The following AMZ1 variants were observed in gnomAD, a reference collection of about 807,000 sequenced individuals.
The protein encoded by AMZ1 is archaelysin family metallopeptidase 1.
Under a neutral mutation model 29.9 loss-of-function variants are expected in AMZ1, and 39 were observed. The ratio of observed to expected loss-of-function variants is 1.30; its 90% confidence interval spans 1.01 to 1.70. AMZ1 has a LOEUF of 1.70. AMZ1 is among the 40% of genes most tolerant of loss of function. The pLI, the probability that AMZ1 is intolerant of heterozygous loss-of-function variation, is 0.00. For missense variants in AMZ1, 1,041 were observed against 680.6 expected, an observed-to-expected ratio of 1.53 and a Z score of -5.89; for synonymous variants, 458 against 304.0, an observed-to-expected ratio of 1.51 and a Z score of -5.27.
In AMZ1 at chr7:2,719,032, A is replaced by T. The variant is rs1410357453; in HGVS notation, c.*6154A>T. On this transcript the variant is annotated 3_prime_UTR_variant, in exon 7 of 7. Transcript: ENST00000683327. ...ACTTTTTTTTTTTTTTTTCCCCCCCATCTGAAGTGAGATCAAACTTCTACC... is the reference window on the plus strand; with the variant it reads ...ACTTTTTTTTTTTTTTTTCCCCCCCTTCTGAAGTGAGATCAAACTTCTACC... Among the ~76,000 whole-genome samples the T allele has an allele frequency of 8.5e-6, 1 of 117,744 alleles. No homozygotes were observed. 77.2% of individuals were successfully genotyped at this position (117,744 alleles called of 152,430 possible).
At chr7:2,701,769 C>T (rs554954492) in intron 2 of AMZ1, among the ~76,000 whole-genome samples, 5 of 152,340 alleles carry the variant, frequency 3.3e-5, no homozygotes, top group South Asian at 2.1e-4. Flanking sequence ...CCTTGCCCCA[C>T]GCAGGCTTGT....
At chr7:2,737,227 T>A (rs1181717329) in intron 4 of AMZ1, among the ~76,000 whole-genome samples, 1 of 149,162 alleles carries the variant, frequency 6.7e-6, no homozygotes, top group Non-Finnish European at 1.5e-5. Flanking sequence ...GCCTTTTAAT[T>A]TTAAACCCTA....
Position 2,691,751 on chromosome 7 carries a change from A to G in AMZ1, c.-219+3455A>G, listed in dbSNP as rs567944615. Among the ~76,000 whole-genome samples the G allele has an allele frequency of 1.7e-3, 258 of 150,704 alleles. 3 individuals are homozygous for G. The highest frequency in any genetic ancestry group is 0.017 in the South Asian group (81 of 4,756). On this transcript the variant is annotated intron_variant, in intron 1 of 6. Coordinates refer to ENST00000683327, the MANE Select transcript of AMZ1 (RefSeq NM_001384743.1). ...GTCTCAAAAAAAAAAAAAAAAAATA[A>G]GTGATTTTGGGGCTTTGCAGGGTGG... is the stretch of plus-strand genomic sequence containing the variant.
chr7:2,707,523 C>T (rs913169329), intron 3 of AMZ1, among the ~76,000 whole-genome samples: 28 of 151,936 alleles, frequency 1.8e-4, no homozygotes, highest in Non-Finnish European at 1.0e-4. Flanking sequence ...AGCCCCTGGG[C>T]CTCTCCTGTA....
At chr7:2,683,912 TC>T (rs1786977627), upstream of AMZ1, among the ~76,000 whole-genome samples, 2 of 151,448 alleles carry the variant, frequency 1.3e-5, no homozygotes, top group South Asian at 4.3e-4. Context: ...GTGTAGTGGC[TC>T]ATGCCTATAA....
chr7:2,702,498 C>G, intron 2 of AMZ1: 1 of 567,898 alleles, frequency 1.8e-6, no homozygotes, highest in Non-Finnish European at 3.1e-6. Flanking sequence ...CACTGCTGTC[C>G]TTTCATCTGT....
At chr7:2,736,769 G>A (rs964001335) in intron 4 of AMZ1, among the ~76,000 whole-genome samples, 2 of 152,198 alleles carry the variant, frequency 1.3e-5, no homozygotes, top group Non-Finnish European at 2.9e-5. Flanking sequence ...TCAGAACTCC[G>A]TCAGCACCGT....
At position 2,719,458 on chromosome 7, in the gene AMZ1, C is replaced by T. The variant is rs1294162248; in HGVS notation, c.*6580C>T. On this transcript the variant is annotated 3_prime_UTR_variant, in exon 7 of 7. Coordinates refer to ENST00000683327, the MANE Select transcript of AMZ1 (RefSeq NM_001384743.1). ...GCACAAGTCCCACAATAGCCTCTCC[C>T]AACGGGAACGACTTAGCCCTAATTA... Among the ~76,000 whole-genome samples the T allele has an allele frequency of 1.3e-5, 2 of 152,232 alleles. No homozygotes were observed. Among genetic ancestry groups the T allele is most frequent in the South Asian group, 2.1e-4 (1 of 4,834 alleles).
intron 3 of AMZ1, among the ~76,000 whole-genome samples, chr7:2,706,984 C>A (rs1408718863): frequency 6.6e-6 from 1 of 152,174 alleles, no homozygotes; most frequent in East Asian, 1.9e-4. Context: ...ATCTCAAAAA[C>A]AAACACAGGG....
rs199864719 is a variant in AMZ1 at position 2,733,534 on chromosome 7, C to G, written n.550+23718C>G. 4 of 1,571,276 alleles carry G rather than the reference C, an allele frequency of 2.5e-6. No individual in the cohort carries two copies. In the East Asian group the frequency reaches 9.0e-5, roughly 35 times the overall value. On this transcript the variant is annotated intron_variant and non_coding_transcript_variant, in intron 4 of 4. Coordinates refer to the AMZ1 transcript ENST00000489665. ...GAAGGAAGAATATTCACAGCTCAGT[C>G]TGGACTGAGGAATCCTGATGTGGCA...
In AMZ1 at chr7:2,714,605, G is replaced by GCAAA. The variant is rs1789010824; in HGVS notation, c.*1731_*1734dup. 6.6e-6 allele frequency: 1 copy of GCAAA among 152,256 alleles called. No individual in the cohort carries two copies. Among genetic ancestry groups the GCAAA allele is most frequent in the Non-Finnish European group, 1.5e-5 (1 of 68,056 alleles). The allele number at this position is 152,256 out of a possible 1,614,324, so 9.4% of individuals were successfully genotyped here. On this transcript the variant is annotated 3_prime_UTR_variant, in exon 7 of 7. Coordinates refer to ENST00000683327, the MANE Select transcript of AMZ1 (RefSeq NM_001384743.1). ...AAGCCGGAGCCTGGTGGCTGTTGCT[G>GCAAA]CAAACAACCACCCAAAACTTAGTGG...
chr7:2,708,789 C>T (rs1046595259), intron 4 of AMZ1, 73 bp downstream of exon 4: 4 of 1,601,278 alleles, frequency 2.5e-6, no homozygotes, highest in Middle Eastern at 2.1e-4. Flanking sequence ...GGCTGCAGGG[C>T]ACCCTCTTTG....
At chr7:2,727,362 G>A (rs1376974220) in intron 4 of AMZ1, among the ~76,000 whole-genome samples, 1 of 152,166 alleles carries the variant, frequency 6.6e-6, no homozygotes, top group Non-Finnish European at 1.5e-5. Context: ...TTACAGGCAT[G>A]AGCCACTGCG....
intron 1 of AMZ1, among the ~76,000 whole-genome samples, chr7:2,688,749 G>T (rs1254961090): frequency 1.3e-5 from 2 of 152,198 alleles, no homozygotes; most frequent in Non-Finnish European, 2.9e-5. Flanking sequence ...GTCGTGCCCA[G>T]GGCTCCCCGC....
At chr7:2,687,633 A>G (rs961953824), upstream of AMZ1, among the ~76,000 whole-genome samples, 6 of 152,186 alleles carry the variant, frequency 3.9e-5, no homozygotes, top group African/African-American at 1.4e-4. Context: ...TGGCCAGGGT[A>G]GGGCAGGGCG....
chr7:2,710,090 C>G (rs1358008125), intron 6 of AMZ1, among the ~76,000 whole-genome samples: 1 of 152,212 alleles, frequency 6.6e-6, no homozygotes, highest in Non-Finnish European at 1.5e-5. Flanking sequence ...CTCCCTCTGT[C>G]AGGAAGAGCT....
intron 1 of AMZ1, 67 bp downstream of exon 1, chr7:2,688,363 T>G (rs1329221494): frequency 6.4e-5 from 8 of 125,854 alleles, no homozygotes; most frequent in Non-Finnish European, 1.2e-4. Flanking sequence ...CCGGGGCGGG[T>G]GGGTAGGGGC....
intron 3 of AMZ1, 142 bp from the exon 4 acceptor site, chr7:2,708,446 A>G: frequency 7.6e-7 from 1 of 1,308,640 alleles, no homozygotes; most frequent in Non-Finnish European, 1.0e-6. Flanking sequence ...CTCAGGTCAC[A>G]CCAAACGCTG....
At chr7:2,708,499 G>T in intron 3 of AMZ1, 89 bp from the exon 4 acceptor site, 1 of 1,570,930 alleles carries the variant, frequency 6.4e-7, no homozygotes, top group East Asian at 2.3e-5. Flanking sequence ...CCCAGGCAGA[G>T]GAAGAGGATG....
Sources: allele counts gnomAD v4.1 joint callset (sites outside exome capture counted in the v4.1 genomes callset), GRCh38; gene constraint gnomAD v4.1.1; transcripts MANE v1.5; gene names NCBI Gene and HGNC (gene_info 2026-07-23, HGNC 2026-07-21).